The following ANKS1B variants were observed in gnomAD, a reference collection of about 807,000 sequenced individuals.
ANKS1B encodes ankyrin repeat and sterile alpha motif domain-containing protein 1B.
A neutral mutation model predicts 148.3 loss-of-function variants in ANKS1B; 36 were observed. That is an observed-to-expected ratio of 0.24 (90% CI 0.19 to 0.32). The LOEUF is 0.32. Among genes scored for constraint, ANKS1B ranks in the 10% least tolerant of loss-of-function variants. The pLI is 1.00. For synonymous variants in ANKS1B, 542 were observed against 560.8 expected (o/e 0.97, Z 0.47); for missense variants, 1,157 against 1,542.6 (o/e 0.75, Z 4.19).
At chr12:99,764,747 A>G (rs1471578434) in intron 8 of ANKS1B, among the ~76,000 whole-genome samples, 1 of 152,214 alleles carries the variant, frequency 6.6e-6, no homozygotes, top group Non-Finnish European at 1.5e-5. Context: ...TTACTAAAAT[A>G]TATTTATCTA....
chr12:99,165,665 C>T (rs546041030), intron 14 of ANKS1B, among the ~76,000 whole-genome samples: 184 of 149,100 alleles, frequency 1.2e-3, no homozygotes, highest in African/African-American at 4.2e-3. Flanking sequence ...AACTCCAGGC[C>T]TCAATGGCTC....
chr12:99,052,685 G>A (rs1413436815), intron 17 of ANKS1B, among the ~76,000 whole-genome samples: 1 of 124,268 alleles, frequency 8.0e-6, no homozygotes, highest in Non-Finnish European at 1.6e-5. Flanking sequence ...CCGAGATTGC[G>A]CCACTGCAGT....
intron 17 of ANKS1B, among the ~76,000 whole-genome samples, chr12:99,010,002 T>G (rs2153406148): frequency 6.6e-6 from 1 of 152,294 alleles, no homozygotes; most frequent in African/African-American, 2.4e-5. Context: ...GTAATAGACA[T>G]TAAGGAAGGG....
At chr12:99,275,959 T>G (rs1285382420) in intron 12 of ANKS1B, among the ~76,000 whole-genome samples, 1 of 152,190 alleles carries the variant, frequency 6.6e-6, no homozygotes, top group Non-Finnish European at 1.5e-5. Flanking sequence ...GTCAGCAATT[T>G]AAAAATTAAA....
At chr12:99,938,974 A>G (rs2094848982) in intron 1 of ANKS1B, among the ~76,000 whole-genome samples, 1 of 152,170 alleles carries the variant, frequency 6.6e-6, no homozygotes, top group Non-Finnish European at 1.5e-5. Context: ...GTAAAAATAT[A>G]TGCCTCCTAT....
intron 10 of ANKS1B, among the ~76,000 whole-genome samples, chr12:99,487,244 A>G (rs1245168006): frequency 6.6e-6 from 1 of 152,130 alleles, no homozygotes; most frequent in Non-Finnish European, 1.5e-5. Context: ...ACTATTATGA[A>G]TGTTGTTGAA....
At chr12:99,012,381 A>G (rs530722196) in intron 17 of ANKS1B, among the ~76,000 whole-genome samples, 2 of 152,304 alleles carry the variant, frequency 1.3e-5, no homozygotes, top group East Asian at 3.9e-4. Context: ...GTCTCAGTCT[A>G]GCATATTTTA....
intron 9 of ANKS1B, among the ~76,000 whole-genome samples, chr12:99,540,045 C>A (rs2153117202): frequency 6.6e-6 from 1 of 151,408 alleles, no homozygotes; most frequent in South Asian, 2.1e-4. Flanking sequence ...GACTTTGAGA[C>A]AAAACTTGTC....
At chr12:99,082,588 A>G (rs1186893588) in intron 16 of ANKS1B, among the ~76,000 whole-genome samples, 2 of 152,158 alleles carry the variant, frequency 1.3e-5, no homozygotes, top group African/African-American at 4.8e-5. Flanking sequence ...ACCTGGACAG[A>G]GGTTAAGCAT....
At chr12:99,923,782 T>C (rs1168503583) in intron 1 of ANKS1B, among the ~76,000 whole-genome samples, 1 of 152,116 alleles carries the variant, frequency 6.6e-6, no homozygotes, top group Non-Finnish European at 1.5e-5. Context: ...TACCTATTTA[T>C]TCATGTCTCC....
intron 4 of ANKS1B, among the ~76,000 whole-genome samples, chr12:99,783,802 C>A (rs1022874850): frequency 3.3e-5 from 5 of 151,886 alleles, no homozygotes; most frequent in African/African-American, 1.2e-4. Flanking sequence ...GGAAGAAGTT[C>A]TAGTATTCTT....
At chr12:99,539,400 A>G (rs1393411146) in intron 9 of ANKS1B, among the ~76,000 whole-genome samples, 1 of 152,198 alleles carries the variant, frequency 6.6e-6, no homozygotes, top group Non-Finnish European at 1.5e-5. Context: ...TATTATTGAA[A>G]CAAACTGTTG....
At chr12:99,557,286 C>T (rs2097287792) in intron 9 of ANKS1B, among the ~76,000 whole-genome samples, 1 of 152,174 alleles carries the variant, frequency 6.6e-6, no homozygotes, top group Non-Finnish European at 1.5e-5. Context: ...TGCTTTCTCT[C>T]CCTCTCTTTC....
chr12:98,906,139 A>G (rs1290125698), intron 17 of ANKS1B, among the ~76,000 whole-genome samples: 6 of 152,182 alleles, frequency 3.9e-5, no homozygotes, highest in African/African-American at 1.4e-4. Flanking sequence ...GAATGTTCTA[A>G]TTTGCTTTTC....
chr12:99,549,111 G>C lies in ANKS1B; in HGVS notation c.1273-44470C>G, dbSNP rs2097195960. The stretch of plus-strand genomic sequence containing the variant: ...ATATAAGATCAGTTAACATAAAGAA[G>C]AAACCGAAACTCTAGATAGGTCATA... On this transcript the variant is annotated intron_variant, in intron 9 of 26. Coordinates refer to ENST00000683438, the MANE Select transcript of ANKS1B (RefSeq NM_001352186.2). 2.0e-5 allele frequency among the ~76,000 whole-genome samples: 3 copies of C among 152,244 alleles called. 1 individual carries two copies. The South Asian group carries it at 6.2e-4, about 32-fold the overall frequency.
intron 14 of ANKS1B, among the ~76,000 whole-genome samples, chr12:99,191,908 C>G (rs959388118): frequency 2.0e-5 from 3 of 151,988 alleles, no homozygotes; most frequent in African/African-American, 7.2e-5. Flanking sequence ...CCAAGGCGGG[C>G]AGATCACGAG....
At chr12:98,834,026 TTTTAAACTCACA>T (rs2153701412) in intron 17 of ANKS1B, among the ~76,000 whole-genome samples, 1 of 152,298 alleles carries the variant, frequency 6.6e-6, no homozygotes, top group African/African-American at 2.4e-5. Context: ...CTGATGTAGA[TTTTAAACTCACA>T]CTACGCCCTA....
intron 12 of ANKS1B, among the ~76,000 whole-genome samples, chr12:99,324,786 A>C (rs1327345067): frequency 6.6e-6 from 1 of 152,100 alleles, no homozygotes; most frequent in Non-Finnish European, 1.5e-5. Context: ...TAATTTACTA[A>C]CCATCATTTT....
rs563951037 is a variant in ANKS1B at position 99,327,261 on chromosome 12, A to C, written c.1756+72370T>G. 5.2e-3 allele frequency among the ~76,000 whole-genome samples: 586 copies of C among 112,202 alleles called. 8 individuals are homozygous for C. The highest frequency in any genetic ancestry group is 0.033 in the South Asian group (140 of 4,192). 73.6% of individuals were successfully genotyped at this position (112,202 alleles called of 152,430 possible). A position where few individuals can be genotyped will look rare whatever the true frequency, so the allele number is the denominator to read the frequency against. On this transcript the variant is annotated intron_variant, in intron 12 of 26. Coordinates refer to ENST00000683438, the MANE Select transcript of ANKS1B (RefSeq NM_001352186.2). ...TAATTATAATTTATTATAATTATAT[A>C]AATAATTATAATTTATTATAATTAT...
Sources: gnomAD v4.1 joint callset for allele counts (sites outside exome capture counted in the v4.1 genomes callset) on GRCh38, gnomAD v4.1.1 for gene constraint, MANE v1.5 for transcripts, NCBI Gene and HGNC (gene_info 2026-07-23, HGNC 2026-07-21) for gene names.